CD300LG: variants seen among roughly 807,000 people sequenced by gnomAD.
The protein encoded by CD300LG is CMRF35-like molecule 9.
Under a neutral mutation model 31.5 loss-of-function variants are expected in CD300LG, and 29 were observed. That is an observed-to-expected ratio of 0.92 (90% CI 0.68 to 1.25). CD300LG has a LOEUF of 1.25. Among genes scored for constraint, CD300LG ranks in the 50% most tolerant of loss-of-function variants. The pLI is 0.00. For missense variants in CD300LG, 396 were observed against 417.6 expected (o/e 0.95, Z 0.45); for synonymous variants, 175 against 177.2 (o/e 0.99, Z 0.10).
chr17:43,857,983 C>T, intron 6 of CD300LG: 1 of 1,504,708 alleles, frequency 6.6e-7, no homozygotes. Context: ...CCGAGGCCAG[C>T]ACTCCAACGG....
At chr17:43,859,648 G>A (rs1386086856) in intron 6 of CD300LG, among the ~76,000 whole-genome samples, 1 of 152,188 alleles carries the variant, frequency 6.6e-6, no homozygotes, top group South Asian at 2.1e-4. Flanking sequence ...GGACTCATGG[G>A]TCTGATGTCA....
chr17:43,856,163 T>A (rs747336944), intron 5 of CD300LG, among the ~76,000 whole-genome samples: 1 of 152,168 alleles, frequency 6.6e-6, no homozygotes, highest in African/African-American at 2.4e-5. Context: ...CCAAACATTA[T>A]CATTTTGATA....
chr17:43,854,534 G>T (rs915618938), intron 4 of CD300LG, among the ~76,000 whole-genome samples: 1 of 152,162 alleles, frequency 6.6e-6, no homozygotes, highest in Non-Finnish European at 1.5e-5. Flanking sequence ...GGCAATGGGG[G>T]CGGGGATCCG....
Position 43,856,543 on chromosome 17 carries a change from G to T in CD300LG, c.833-561G>T, listed in dbSNP as rs539536217. ...ATCACAATGTCATACCCATGGAGGC[G>T]GCCACAGGGGAATCCTGGGCCTGCT... On this transcript the variant is annotated intron_variant, in intron 5 of 6. Transcript: ENST00000317310. Among the ~76,000 whole-genome samples the T allele has an allele frequency of 4.6e-5, 7 of 152,302 alleles. No individual in the cohort carries two copies. In the South Asian group the frequency reaches 1.4e-3, roughly 32 times the overall value.
rs1183464490 is a variant in CD300LG, at chr17:43,853,823, C to G, written c.498C>G (p.Tyr166Ter). Residue 166 changes from tyrosine (Y) to a stop codon, truncating the protein, a stop_gained, in exon 4 of 7, where the codon TAC becomes TAG. Transcript: ENST00000317310. LOFTEE classifies it high-confidence loss of function. ...QPPGLTSPGL[Y>*]PAATTAKQGK... ...GACTTGTAGCTTCTCCTGGGCTCTA[C>G]CCGGCAGCCACCACAGCCAAGCAGG... The G allele has an allele frequency of 1.1e-5, 17 of 1,613,740 alleles. No homozygotes were observed. Among genetic ancestry groups the G allele is most frequent in the Non-Finnish European group, 1.4e-5 (16 of 1,179,848 alleles).
At chr17:43,850,019 G>A (rs535748799) in intron 2 of CD300LG, 6 of 152,238 alleles carry the variant, frequency 3.9e-5, no homozygotes, top group African/African-American at 1.2e-4. Flanking sequence ...GATCAAGTTC[G>A]CTTGTGTTTT....
chr17:43,848,167 G>A (rs541670678), intron 1 of CD300LG, among the ~76,000 whole-genome samples: 43 of 152,108 alleles, frequency 2.8e-4, no homozygotes, highest in African/African-American at 8.2e-4. Context: ...ACCTGAACCC[G>A]GGAGGCAGAA....
intron 2 of CD300LG, among the ~76,000 whole-genome samples, chr17:43,850,298 A>G (rs2046311040): frequency 6.6e-6 from 1 of 152,042 alleles, no homozygotes; most frequent in African/African-American, 2.4e-5. Flanking sequence ...GATCTCACCA[A>G]CTCCTGAAAA....
chr17:43,857,374 C>G, intron 6 of CD300LG: 2 of 1,532,358 alleles, frequency 1.3e-6, no homozygotes, highest in South Asian at 2.4e-5. Flanking sequence ...CAGGTGGGAA[C>G]CTGATTTCCC....
intron 1 of CD300LG, 126 bp downstream of exon 1, chr17:43,847,385 G>C (rs1014608634): frequency 2.1e-6 from 2 of 957,574 alleles, no homozygotes; most frequent in African/African-American, 1.7e-5. Context: ...CTAGGGGAGC[G>C]GGGCGGGCTG....
At position 43,857,694 on chromosome 17, in the gene CD300LG, G is replaced by T. The variant is rs1597713893; in HGVS notation, c.885+538G>T. ...TTACAAAAGATGAGACTGAGGCCCA[G>T]AGAGGGTAAAGGTCTTGCCCATGGT... On this transcript the variant is annotated intron_variant, in intron 6 of 6. Transcript: ENST00000317310. The T allele has an allele frequency of 3.0e-6, 4 of 1,331,832 alleles. No homozygotes were observed. In the East Asian group the frequency reaches 1.0e-4, roughly 33 times the overall value. 82.5% of individuals were successfully genotyped at this position (1,331,832 alleles called of 1,614,324 possible). A position where few individuals can be genotyped will look rare whatever the true frequency, so the allele number is the denominator to read the frequency against.
rs1597712654 is a variant in CD300LG, at chr17:43,857,110, AGGC to A, written c.840_842del (p.Gln280_Ala281delinsHis). ...CCTTCTACATCTCTTTCAGCTCAAC[AGGC>A]CACGGAGACACAGAGGAACGAGAAG... On this transcript the variant is annotated inframe_deletion, in exon 6 of 7. Coordinates refer to ENST00000317310, the MANE Select transcript of CD300LG (RefSeq NM_145273.4). 1.9e-6 allele frequency: 3 copies of A among 1,614,078 alleles called. No individual in the cohort carries two copies. Among genetic ancestry groups the A allele is most frequent in the Non-Finnish European group, 8.5e-7 (1 of 1,179,978 alleles).
intron 1 of CD300LG, 46 bp from the exon 2 acceptor site, chr17:43,848,512 A>G: frequency 6.7e-7 from 1 of 1,486,114 alleles, no homozygotes; most frequent in Non-Finnish European, 9.3e-7. Flanking sequence ...TGACCTTGGT[A>G]CATGGAGCCT....
Position 43,848,719 on chromosome 17 carries a change from G to A in CD300LG, c.205G>A (p.Glu69Lys). ...CTGCTCTGGCACCATCTATGCAGAAGAAGAAGGCCAGGAGACAATGAAGGG... is the reference window on the plus strand; with the variant it reads ...CTGCTCTGGCACCATCTATGCAGAAAAAGAAGGCCAGGAGACAATGAAGGG... The part of the protein sequence containing the change: ...SRCSGTIYAE[E>K]EGQETMKGRV... Residue 69 changes from glutamate (E) to lysine (K), a missense_variant, in exon 2 of 7, where the codon GAA (glutamate) becomes AAA (lysine). Coordinates refer to ENST00000317310, the MANE Select transcript of CD300LG (RefSeq NM_145273.4). The A allele has an allele frequency of 2.5e-6, 4 of 1,614,176 alleles. No individual in the cohort carries two copies. Among genetic ancestry groups the A allele is most frequent in the Non-Finnish European group, 3.4e-6 (4 of 1,180,030 alleles).
At chr17:43,860,714 A>T (rs11867362) in intron 6 of CD300LG, among the ~76,000 whole-genome samples, 21,690 of 152,276 alleles carry the variant, frequency 0.14, 2,106 homozygotes, top group Middle Eastern at 0.23. Flanking sequence ...TTATTCGACG[A>T]ATCTTTGGCG....
chr17:43,858,114 C>A, intron 6 of CD300LG: 1 of 1,351,864 alleles, frequency 7.4e-7, no homozygotes, highest in Non-Finnish European at 9.5e-7. Context: ...AGCGGAGCTA[C>A]CATTGCCTTC....
intron 4 of CD300LG, among the ~76,000 whole-genome samples, chr17:43,854,723 C>G (rs542395050): frequency 1.3e-4 from 20 of 152,234 alleles, no homozygotes; most frequent in Non-Finnish European, 2.6e-4. Flanking sequence ...CATGACCTAA[C>G]GAGTCGCTCA....
chr17:43,857,283 C>T, intron 6 of CD300LG, 127 bp downstream of exon 6: 3 of 1,440,318 alleles, frequency 2.1e-6, no homozygotes, highest in Non-Finnish European at 2.9e-6. Flanking sequence ...AGCGCTTGCT[C>T]CCCACCTTGG....
chr17:43,856,656 G>A (rs1441394954), intron 5 of CD300LG, among the ~76,000 whole-genome samples: 3 of 152,170 alleles, frequency 2.0e-5, no homozygotes, highest in South Asian at 2.1e-4. Context: ...AGCATTCCTG[G>A]TCACAACCTC....
Sources: gnomAD v4.1 joint callset for allele counts (sites outside exome capture counted in the v4.1 genomes callset) on GRCh38, gnomAD v4.1.1 for gene constraint, MANE v1.5 for transcripts, NCBI Gene and HGNC (gene_info 2026-07-23, HGNC 2026-07-21) for gene names.